The following AFF2 variants were observed in gnomAD, a reference collection of about 807,000 sequenced individuals.
The protein encoded by AFF2 is AF4/FMR2 family member 2.
AFF2 carries 14 observed loss-of-function variants against 76.9 expected under a neutral mutation model. The observed-to-expected ratio is 0.18, with a 90% CI of 0.12 to 0.28. The LOEUF (loss-of-function observed/expected upper bound fraction) is 0.28, where lower values mean the gene tolerates loss of function less well. AFF2 is among the 10% of genes least tolerant of loss of function. The pLI, the probability that AFF2 is intolerant of heterozygous loss-of-function variation, is 1.00. For missense variants in AFF2, 868 were observed against 1,001.1 expected (o/e 0.87, Z 1.79); for synonymous variants, 398 against 366.7 (o/e 1.09, Z -0.98).
intron 3 of AFF2, among the ~76,000 whole-genome samples, chrX:148,772,907 CAT>C (rs2069607947): frequency 9.0e-6 from 1 of 110,568 alleles, no homozygotes; most frequent in Admixed American, 9.7e-5. Flanking sequence ...GCTTGAATAA[CAT>C]AGACACAGAG....
chrX:148,798,843 G>A lies in AFF2; in HGVS notation c.1042-11033G>A, dbSNP rs545001212. 1.2e-4 allele frequency among the ~76,000 whole-genome samples: 13 copies of A among 111,919 alleles called. No homozygotes were observed. The South Asian group carries it at 4.9e-3, about 42-fold the overall frequency. Reference sequence around the variant, plus strand: ...TCAGCATAAAATTCAATGGGCTTGAGATGCTCCACAGAGCTGGCCCACATT... The same window carrying A: ...TCAGCATAAAATTCAATGGGCTTGAAATGCTCCACAGAGCTGGCCCACATT... On this transcript the variant is annotated intron_variant, in intron 3 of 20. Transcript: ENST00000370460.
intron 9 of AFF2, among the ~76,000 whole-genome samples, chrX:148,905,004 T>A (rs1557281291): frequency 8.9e-6 from 1 of 112,040 alleles, no homozygotes; most frequent in Non-Finnish European, 1.9e-5. Flanking sequence ...GCTGGGCTAT[T>A]ATAGGTCTGG....
intron 1 of AFF2, among the ~76,000 whole-genome samples, chrX:148,597,877 A>T (rs1362190293): frequency 8.9e-6 from 1 of 112,444 alleles, no homozygotes; most frequent in Non-Finnish European, 1.9e-5. Context: ...AACTGAGGAA[A>T]AATGACTTTC....
chrX:148,874,998 C>A (rs1376742618), intron 7 of AFF2, among the ~76,000 whole-genome samples: 1 of 111,940 alleles, frequency 8.9e-6, no homozygotes, highest in Non-Finnish European at 1.9e-5. Context: ...ATATATCATG[C>A]AACTCATTTA....
chrX:148,775,569 G>C lies in AFF2; in HGVS notation c.1042-34307G>C, dbSNP rs147042669. On this transcript the variant is annotated intron_variant, in intron 3 of 20. Transcript: ENST00000370460. ...TGTCACCTCCTAGTTTTGAAGGTTAGAAGTCCAAAATCAAGGTGACTGTGG... is the reference window on the plus strand; with the variant it reads ...TGTCACCTCCTAGTTTTGAAGGTTACAAGTCCAAAATCAAGGTGACTGTGG... 6.4e-3 allele frequency among the ~76,000 whole-genome samples: 720 copies of C among 111,883 alleles called. 3 individuals carry two copies. The highest frequency in any genetic ancestry group is 0.015 in the South Asian group (41 of 2,664).
chrX:148,753,088 C>G (rs2055521109), intron 3 of AFF2, among the ~76,000 whole-genome samples: 2 of 111,356 alleles, frequency 1.8e-5, no homozygotes, highest in African/African-American at 6.5e-5. Context: ...AGCTTTAAGA[C>G]CTTGGGGATG....
intron 9 of AFF2, among the ~76,000 whole-genome samples, chrX:148,927,920 A>G (rs2071671442): frequency 8.9e-6 from 1 of 112,245 alleles, no homozygotes; most frequent in African/African-American, 3.2e-5. Flanking sequence ...AGTTACTGAA[A>G]TGAATGCAAA....
chrX:148,771,882 C>T (rs781828538), intron 3 of AFF2, among the ~76,000 whole-genome samples: 9 of 111,369 alleles, frequency 8.1e-5, no homozygotes, highest in African/African-American at 2.6e-4. Flanking sequence ...AGTTCTGTGA[C>T]GTGTATATAT....
chrX:148,979,859 A>G (rs1557290684), intron 18 of AFF2, among the ~76,000 whole-genome samples: 5 of 111,708 alleles, frequency 4.5e-5, no homozygotes, highest in Non-Finnish European at 7.5e-5. Flanking sequence ...GAAAATGCTG[A>G]CTCTTTCCCT....
chrX:148,558,456 C>T (rs1219359870), intron 1 of AFF2, among the ~76,000 whole-genome samples: 1 of 111,380 alleles, frequency 9.0e-6, no homozygotes, highest in African/African-American at 3.3e-5. Context: ...GTTCTATTCG[C>T]AGCTAGTTCT....
chrX:148,603,859 T>G (rs1434805359), intron 1 of AFF2, among the ~76,000 whole-genome samples: 1 of 111,342 alleles, frequency 9.0e-6, no homozygotes, highest in Non-Finnish European at 1.9e-5. Context: ...ATTATCTTGG[T>G]TATTTTTCTA....
intron 10 of AFF2, among the ~76,000 whole-genome samples, chrX:148,955,032 T>A (rs782256041): frequency 8.9e-6 from 1 of 112,894 alleles, no homozygotes; most frequent in South Asian, 3.7e-4. Flanking sequence ...GAAAGCTCAG[T>A]GGTTTCTATT....
chrX:148,795,960 T>C (rs1326510375), intron 3 of AFF2, among the ~76,000 whole-genome samples: 1 of 96,818 alleles, frequency 1.0e-5, no homozygotes, highest in Non-Finnish European at 2.1e-5. Flanking sequence ...CCTAGAGCTT[T>C]TCAGGTAACC....
At chrX:148,834,878 T>C (rs2070501779) in intron 4 of AFF2, among the ~76,000 whole-genome samples, 2 of 112,333 alleles carry the variant, frequency 1.8e-5, no homozygotes, top group Middle Eastern at 4.6e-3. Context: ...GAGGAAGATA[T>C]TCTTTCAGGA....
chrX:148,984,112 G>A (rs1194486840), intron 19 of AFF2, among the ~76,000 whole-genome samples: 15 of 110,124 alleles, frequency 1.4e-4, no homozygotes, highest in African/African-American at 5.0e-4. Context: ...AGGGAGCAGT[G>A]GTACCATGCT....
At position 148,997,608 on chromosome X, in the gene AFF2, G is replaced by A. The variant is rs1485659955; in HGVS notation, c.*6276G>A. The A allele has an allele frequency of 4.5e-5, 5 of 111,970 alleles. No homozygotes were observed. The highest frequency in any genetic ancestry group is 1.6e-4 in the African/African-American group (5 of 30,835). 9.2% of individuals were successfully genotyped at this position (111,970 alleles called of 1,213,427 possible). Reference sequence around the variant, plus strand: ...GCCTCTGCAATTCTTTTTGTAGCTGGCACGATAGCAGGGACTGGGGGTCTA... The same window carrying A: ...GCCTCTGCAATTCTTTTTGTAGCTGACACGATAGCAGGGACTGGGGGTCTA... On this transcript the variant is annotated 3_prime_UTR_variant, in exon 21 of 21. Transcript: ENST00000370460.
chrX:148,954,922 G>A (rs1002539245), intron 10 of AFF2, among the ~76,000 whole-genome samples: 1 of 112,523 alleles, frequency 8.9e-6, no homozygotes, highest in Non-Finnish European at 1.9e-5. Context: ...CTCAGAGTTA[G>A]GAATCAAGGA....
At chrX:148,573,621 G>A (rs1399449067) in intron 1 of AFF2, among the ~76,000 whole-genome samples, 1 of 110,876 alleles carries the variant, frequency 9.0e-6, no homozygotes, top group East Asian at 2.9e-4. Flanking sequence ...TGTGGAGGAA[G>A]GTTAAATTTG....
At chrX:148,614,603 C>T (rs2053765282) in intron 1 of AFF2, among the ~76,000 whole-genome samples, 1 of 107,599 alleles carries the variant, frequency 9.3e-6, no homozygotes, top group South Asian at 4.3e-4. Context: ...CCTCCCTTCT[C>T]TTTCTTTTCC....
Sources: gnomAD v4.1 joint callset for allele counts (sites outside exome capture counted in the v4.1 genomes callset) on GRCh38, gnomAD v4.1.1 for gene constraint, MANE v1.5 for transcripts, NCBI Gene and HGNC (gene_info 2026-07-23, HGNC 2026-07-21) for gene names.